FGFR1OP2: variants seen among roughly 807,000 people sequenced by gnomAD.
The protein encoded by FGFR1OP2 is FGFR1 oncogene partner 2.
A neutral mutation model predicts 35.2 loss-of-function variants in FGFR1OP2; 17 were observed. The ratio of observed to expected loss-of-function variants is 0.48; its 90% CI spans 0.33 to 0.73. The LOEUF is 0.73. Among genes scored for constraint, FGFR1OP2 ranks in the 30% least tolerant of loss-of-function variants. The pLI, the probability that FGFR1OP2 is intolerant of heterozygous loss-of-function variation, is 0.02. For missense variants in FGFR1OP2, 251 were observed against 307.3 expected (o/e 0.82, Z 1.37); for synonymous variants, 105 against 104.6 (o/e 1.00, Z -0.03).
rs562223975 is a variant in FGFR1OP2, at chr12:26,965,495, T to C, written c.*762T>C. The C allele has an allele frequency of 8.5e-5, 13 of 152,642 alleles. 1 individual carries two copies. The East Asian group carries it at 2.5e-3, about 29-fold the overall frequency. The allele number at this position is 152,642 out of a possible 1,614,324, so 9.5% of individuals were successfully genotyped here. ...CAAAGTCAATAATGAAGACGAGATT[T>C]GTTTTTCTCTTCTCTGGCTGATTTT... is the stretch of plus-strand genomic sequence containing the variant. On this transcript the variant is annotated 3_prime_UTR_variant, in exon 7 of 7. Transcript: ENST00000229395.
chr12:26,947,986 C>G (rs554623861), intron 1 of FGFR1OP2, among the ~76,000 whole-genome samples: 1 of 152,068 alleles, frequency 6.6e-6, no homozygotes, highest in African/African-American at 2.4e-5. Context: ...TATCTCTGTG[C>G]AGTTATTTTA....
intron 1 of FGFR1OP2, among the ~76,000 whole-genome samples, chr12:26,946,789 A>G (rs1316173099): frequency 6.6e-6 from 1 of 152,202 alleles, no homozygotes; most frequent in Non-Finnish European, 1.5e-5. Flanking sequence ...TTCCCGCGCA[A>G]AAAGAAACCG....
intron 1 of FGFR1OP2, among the ~76,000 whole-genome samples, chr12:26,942,096 G>A (rs1004459962): frequency 2.0e-5 from 3 of 152,162 alleles, no homozygotes; most frequent in African/African-American, 4.8e-5. Context: ...GCAATGGTGC[G>A]ATCTCGGCTC....
chr12:26,951,410 C>T (rs929275471), intron 1 of FGFR1OP2, among the ~76,000 whole-genome samples: 1 of 152,154 alleles, frequency 6.6e-6, no homozygotes, highest in Non-Finnish European at 1.5e-5. Context: ...ACCTCTGCCT[C>T]CCAAGTTCAA....
At chr12:26,952,087 C>CTTTTTTTTTTT (rs34270981) in intron 1 of FGFR1OP2, among the ~76,000 whole-genome samples, 6 of 117,194 alleles carry the variant, frequency 5.1e-5, no homozygotes, top group Non-Finnish European at 8.8e-5. Flanking sequence ...AGTGCCCGTC[C>CTTTTTTTTTTT]TTTTTTTTTT....
At chr12:26,953,063 C>G (rs1938958893) in intron 1 of FGFR1OP2, among the ~76,000 whole-genome samples, 1 of 151,764 alleles carries the variant, frequency 6.6e-6, no homozygotes, top group Non-Finnish European at 1.5e-5. Context: ...GAGATCGAGA[C>G]CATCCTGGCT....
chr12:26,963,320 A>G, intron 5 of FGFR1OP2, 22 bp from the exon 6 acceptor site: 1 of 1,524,736 alleles, frequency 6.6e-7, no homozygotes, highest in Non-Finnish European at 9.0e-7. Context: ...GCTGATTTCC[A>G]ACTCCCATCC....
intron 1 of FGFR1OP2, among the ~76,000 whole-genome samples, chr12:26,949,492 T>C (rs1412137809): frequency 1.3e-5 from 2 of 152,188 alleles, no homozygotes; most frequent in African/African-American, 4.8e-5. Flanking sequence ...TATCCTATGC[T>C]ATCCAAGGTA....
chr12:26,960,011 C>T (rs767175045), intron 4 of FGFR1OP2, among the ~76,000 whole-genome samples: 1 of 151,826 alleles, frequency 6.6e-6, no homozygotes, highest in Non-Finnish European at 1.5e-5. Flanking sequence ...GGAAAGGTAA[C>T]AAGGAAGGGA....
At chr12:26,962,084 C>T (rs1939112878) in intron 5 of FGFR1OP2, 1 of 152,190 alleles carries the variant, frequency 6.6e-6, no homozygotes, top group African/African-American at 2.4e-5. Flanking sequence ...CCACATGTGG[C>T]TGTTGAGCAC....
intron 2 of FGFR1OP2, among the ~76,000 whole-genome samples, chr12:26,954,611 G>C (rs994641612): frequency 5.3e-5 from 8 of 152,112 alleles, no homozygotes; most frequent in African/African-American, 1.9e-4. Flanking sequence ...TACACATTTT[G>C]TTCTGTCTTG....
intron 1 of FGFR1OP2, among the ~76,000 whole-genome samples, chr12:26,947,257 T>C (rs1196212237): frequency 6.6e-6 from 1 of 152,236 alleles, no homozygotes; most frequent in Non-Finnish European, 1.5e-5. Context: ...CAACACTTAC[T>C]ATCTTTTCTA....
rs773048867 is a variant in FGFR1OP2 at position 26,956,669 on chromosome 12, C to T, written c.253+9C>T. On this transcript the variant is annotated intron_variant, in intron 3 of 6. Transcript: ENST00000229395. ...GCAACAAGAAAACAAAGGTAAGATACGTTACTTTTTGACATTAATCCCATT... is the reference window on the plus strand; with the variant it reads ...GCAACAAGAAAACAAAGGTAAGATATGTTACTTTTTGACATTAATCCCATT... 1.7e-5 allele frequency: 26 copies of T among 1,518,420 alleles called. No individual in the cohort carries two copies. The highest frequency in any genetic ancestry group is 1.8e-4 in the Middle Eastern group (1 of 5,470). The allele number at this position is 1,518,420 out of a possible 1,614,324, so 94.1% of individuals were successfully genotyped here.
chr12:26,958,131 C>T (rs11048787), intron 4 of FGFR1OP2, among the ~76,000 whole-genome samples: 1,711 of 152,268 alleles, frequency 0.011, 41 homozygotes, highest in African/African-American at 0.039. Context: ...GAGGCCAAGG[C>T]AGGAGGATCA....
At chr12:26,956,506 A>T in intron 2 of FGFR1OP2, 37 bp from the exon 3 acceptor site, 2 of 611,250 alleles carry the variant, frequency 3.3e-6, no homozygotes, top group African/African-American at 2.0e-5. Context: ...ATATATTTGC[A>T]GGTATTTTCA....
intron 5 of FGFR1OP2, chr12:26,962,770 A>G (rs1425988291): frequency 1.3e-5 from 2 of 152,222 alleles, no homozygotes; most frequent in Admixed American, 6.5e-5. Flanking sequence ...AGGCCATTTA[A>G]TATTTTAATA....
chr12:26,939,657 CT>C (rs1298490985), intron 1 of FGFR1OP2, among the ~76,000 whole-genome samples: 1 of 152,202 alleles, frequency 6.6e-6, no homozygotes, highest in African/African-American at 2.4e-5. Context: ...TACCGCTGTG[CT>C]CCCAACGCAT....
At chr12:26,954,330 A>C (rs1201073414) in intron 2 of FGFR1OP2, 37 bp downstream of exon 2, 1 of 1,558,650 alleles carries the variant, frequency 6.4e-7, no homozygotes, top group Admixed American at 2.0e-5. Context: ...CATTTATCAA[A>C]AGCAGTCATT....
chr12:26,946,681 A>T (rs146685633), intron 1 of FGFR1OP2, among the ~76,000 whole-genome samples: 11 of 152,374 alleles, frequency 7.2e-5, no homozygotes, highest in African/African-American at 2.2e-4. Context: ...TATGTAATTC[A>T]CATACCATAC....
Sources: gnomAD v4.1 joint callset for allele counts (sites outside exome capture counted in the v4.1 genomes callset) on GRCh38, gnomAD v4.1.1 for gene constraint, MANE v1.5 for transcripts, NCBI Gene and HGNC (gene_info 2026-07-23, HGNC 2026-07-21) for gene names.